The following SEC16B variants were observed in gnomAD, a reference collection of about 807,000 sequenced individuals.
SEC16B encodes the protein protein transport protein Sec16B.
Under a neutral mutation model 141.8 loss-of-function variants are expected in SEC16B, and 115 were observed. That is an observed-to-expected ratio of 0.81 (90% confidence interval 0.70 to 0.95). The LOEUF (loss-of-function observed/expected upper bound fraction) is 0.95, where lower values mean the gene tolerates loss of function less well. Among genes scored for constraint, SEC16B ranks in the 40% least tolerant of loss-of-function variants. The pLI is 0.00. For synonymous variants in SEC16B, 493 were observed against 492.5 expected, an observed-to-expected ratio of 1.00 and a Z score of -0.01; for missense variants, 1,291 against 1,312.3, an observed-to-expected ratio of 0.98 and a Z score of 0.25.
upstream of SEC16B, chr1:177,971,297 G>C (rs778261187): frequency 6.6e-6 from 1 of 152,234 alleles, no homozygotes; most frequent in East Asian, 1.9e-4. Context: ...GGCCAGGCTG[G>C]TCTCAAACTC....
chr1:177,977,129 T>C (rs1654198317), intron 1 of SEC16B, among the ~76,000 whole-genome samples: 1 of 152,166 alleles, frequency 6.6e-6, no homozygotes, highest in Non-Finnish European at 1.5e-5. Flanking sequence ...AGCATGATAC[T>C]TCAAAGAAAC....
chr1:177,974,055 T>A (rs1403797351), upstream of SEC16B, among the ~76,000 whole-genome samples: 17 of 152,050 alleles, frequency 1.1e-4, no homozygotes, highest in Admixed American at 1.1e-3. Flanking sequence ...CTGTTGACTG[T>A]AGAAGATGAG....
intron 1 of SEC16B, among the ~76,000 whole-genome samples, chr1:177,977,620 G>A (rs551151130): frequency 2.0e-5 from 3 of 152,130 alleles, no homozygotes; most frequent in South Asian, 2.1e-4. Context: ...CATGGGACTC[G>A]GACTCTCATT....
Position 177,942,040 on chromosome 1 carries a change from C to A in SEC16B, c.1882G>T (p.Val628Leu). The change falls in exon 16 of 26, where the codon GTG (valine) becomes TTG (leucine). Residue 628 changes from valine to leucine, a missense_variant and splice_region_variant. By Grantham distance (32) the Val-to-Leu change is conservative. This residue lies in a region of SEC16B where 605 missense variants were observed against 614.1 expected (regional missense o/e 0.99). Transcript: ENST00000308284. ...CGGGAAGCATAAAGGAGCTTATACA[C>A]CTGTGAAGAGAAAAGAGTCAGTGAC... ...RPKSFIPSFQ[V>L]YKLLYASRLA... is the part of the protein sequence containing the mutation. 1.9e-6 allele frequency: 3 copies of A among 1,611,864 alleles called. No homozygotes were observed. Among genetic ancestry groups the A allele is most frequent in the Non-Finnish European group, 2.5e-6 (3 of 1,178,882 alleles).
intron 4 of SEC16B, 44 bp from the exon 5 acceptor site, chr1:177,964,323 C>G: frequency 6.9e-7 from 1 of 1,457,962 alleles, no homozygotes; most frequent in Non-Finnish European, 9.5e-7. Flanking sequence ...CCTGGGCAAG[C>G]CAGCAAGGCT....
chr1:177,961,604 C>A lies in SEC16B; in HGVS notation c.773G>T (p.Ser258Ile). Residue 258 changes from serine to isoleucine, a missense_variant, in exon 6 of 26, where the codon AGT becomes ATT. Coordinates refer to ENST00000308284, the MANE Select transcript of SEC16B (RefSeq NM_033127.4). ...TTAGAACCCACCAGCCTGAACTGGA[C>A]TCCAAGCTGCTGAAGCTGGGGGATC... is the stretch of plus-strand genomic sequence containing the variant. ...RDDPPASAAW[S>I]PVQADVSSAG... 1 of 1,613,118 alleles carries A rather than the reference C, an allele frequency of 6.2e-7. No homozygotes were observed. The highest frequency in any genetic ancestry group is 8.5e-7 in the Non-Finnish European group (1 of 1,179,660).
Position 177,929,721 on chromosome 1 carries a change from TA to T in SEC16B, c.*136del. ...TGAGAGATCCTGTCCTCTTGCCTTC[TA>T]AGTGCCCGGTGGAGGCATCGGGCTA... is the stretch of plus-strand genomic sequence containing the variant. On this transcript the variant is annotated 3_prime_UTR_variant, in exon 26 of 26. Transcript: ENST00000308284. The T allele has an allele frequency of 1.2e-6, 1 of 812,336 alleles. No homozygotes were observed. Among genetic ancestry groups the T allele is most frequent in the Non-Finnish European group, 2.0e-6 (1 of 490,402 alleles). The allele number at this position is 812,336 out of a possible 1,614,324, so 50.3% of individuals were successfully genotyped here.
At position 177,951,916 on chromosome 1, in the gene SEC16B, T is replaced by C. The variant is rs1652218747; in HGVS notation, c.1543A>G (p.Thr515Ala). Residue 515 changes from threonine (T) to alanine (A), a missense_variant and splice_region_variant, in exon 12 of 26, where the codon ACG (threonine) becomes GCG (alanine). Physicochemically the swap from Thr to Ala is moderately conservative, Grantham distance 58 (BLOSUM62 0). Coordinates refer to ENST00000308284, the MANE Select transcript of SEC16B (RefSeq NM_033127.4). ...AAGGAATCCTGTCATAGGGGTACCG[T>C]GGCTGCCTGTGGAATCCTCCCCGAC... ...LMSGRIPQAATCCGEKQWGDW... is the reference protein window; with the variant it reads ...LMSGRIPQAAACCGEKQWGDW... 2 of 1,601,030 alleles carry C rather than the reference T, an allele frequency of 1.2e-6. No individual in the cohort carries two copies. The highest frequency in any genetic ancestry group is 1.3e-5 in the African/African-American group (1 of 74,762).
intron 19 of SEC16B, 98 bp from the exon 20 acceptor site, chr1:177,936,463 G>A: frequency 3.8e-6 from 4 of 1,049,460 alleles, no homozygotes; most frequent in South Asian, 1.4e-5. Flanking sequence ...TTTCTTAACT[G>A]CAGCAGAAGC....
chr1:177,936,039 T>C (rs2902210), intron 20 of SEC16B, among the ~76,000 whole-genome samples: 82,730 of 152,094 alleles, frequency 0.54, 23,193 homozygotes, highest in Middle Eastern at 0.68. Flanking sequence ...GTAACAGAGA[T>C]CTGAGAGGCC....
chr1:177,965,890 T>C lies in SEC16B; in HGVS notation c.412+3A>G. The C allele has an allele frequency of 6.4e-7, 1 of 1,558,980 alleles. No homozygotes were observed. Among genetic ancestry groups the C allele is most frequent in the Non-Finnish European group, 8.7e-7 (1 of 1,143,534 alleles). ...CAGAGGCTTCTTGGAGACTTTTCCA[T>C]ACCTCTTTCTTCCTGCAGCCACTGT... On this transcript the variant is annotated splice_donor_region_variant and intron_variant, in intron 3 of 25. Transcript: ENST00000308284.
chr1:177,965,713 C>T (rs560514788), intron 3 of SEC16B, among the ~76,000 whole-genome samples, 180 bp downstream of exon 3: 2 of 152,286 alleles, frequency 1.3e-5, no homozygotes, highest in African/African-American at 4.8e-5. Context: ...CAAAGGAAAA[C>T]AACTCCTTTA....
intron 25 of SEC16B, 39 bp downstream of exon 25, chr1:177,930,506 G>A (rs776010319): frequency 6.9e-7 from 1 of 1,440,796 alleles, no homozygotes; most frequent in Non-Finnish European, 9.7e-7. Context: ...TCCAAAACCT[G>A]TACTCCTGGC....
intron 20 of SEC16B, among the ~76,000 whole-genome samples, chr1:177,935,761 A>C (rs772667744): frequency 6.6e-6 from 1 of 152,124 alleles, no homozygotes; most frequent in African/African-American, 2.4e-5. Context: ...AACCAGGAGA[A>C]GCTGAAGAAC....
intron 11 of SEC16B, among the ~76,000 whole-genome samples, chr1:177,952,872 C>G (rs1181354946): frequency 1.3e-5 from 2 of 152,068 alleles, no homozygotes. Context: ...TAAAGTGCAC[C>G]GTGGTGTCAC....
chr1:177,951,797 C>A, intron 12 of SEC16B, 117 bp downstream of exon 12: 1 of 803,714 alleles, frequency 1.2e-6, no homozygotes, highest in South Asian at 1.5e-5. Context: ...GATTAACAAA[C>A]CATTAATATT....
rs1652843826 is a variant in SEC16B, at chr1:177,958,904, G to A, written c.1070C>T (p.Thr357Ile). 5 of 1,613,798 alleles carry A rather than the reference G, an allele frequency of 3.1e-6. No individual in the cohort carries two copies. Among genetic ancestry groups the A allele is most frequent in the Non-Finnish European group, 3.4e-6 (4 of 1,179,766 alleles). Residue 357 changes from threonine to isoleucine, a missense_variant, in exon 9 of 26, where the codon ACA (threonine) becomes ATA (isoleucine). Physicochemically the swap from Thr to Ile is moderately conservative, Grantham distance 89. Around this residue, in one of 3 missense-constraint regions of SEC16B, gnomAD observed 681 missense variants for 675.5 expected, o/e 1.01. Coordinates refer to ENST00000308284, the MANE Select transcript of SEC16B (RefSeq NM_033127.4). ...TAGAGCTGAGTCTCTGCTCCCCAGTGTCTCAGATTTGCAGCTCTGAGCTGC... is the reference window on the plus strand; with the variant it reads ...TAGAGCTGAGTCTCTGCTCCCCAGTATCTCAGATTTGCAGCTCTGAGCTGC... The part of the protein sequence containing the change: ...QKAAQSCKSE[T>I]LGSRDSALLW...
At chr1:177,982,436 C>G (rs1379189495) in intron 1 of SEC16B, among the ~76,000 whole-genome samples, 2 of 152,162 alleles carry the variant, frequency 1.3e-5, no homozygotes, top group Non-Finnish European at 2.9e-5. Context: ...GTACACCTCT[C>G]TCTTGGGGAA....
intron 24 of SEC16B, among the ~76,000 whole-genome samples, chr1:177,931,341 T>C (rs987419444): frequency 2.0e-5 from 3 of 152,178 alleles, no homozygotes; most frequent in African/African-American, 7.2e-5. Context: ...GAAAACCATA[T>C]GTTCTCACTT....
Sources: allele counts gnomAD v4.1 joint callset (sites outside exome capture counted in the v4.1 genomes callset), GRCh38; gene constraint gnomAD v4.1.1; regional missense constraint gnomAD v4.1.1; transcripts MANE v1.5; gene names NCBI Gene and HGNC (gene_info 2026-07-23, HGNC 2026-07-21).